PVT1: variants seen among roughly 807,000 people sequenced by gnomAD.
PVT1 encodes the protein CXCR4/PVT1 fusion.
intron 3 of PVT1, among the ~76,000 whole-genome samples, chr8:127,894,796 C>A (rs1586425559): frequency 6.6e-6 from 1 of 152,222 alleles, no homozygotes; most frequent in Non-Finnish European, 1.5e-5. Flanking sequence ...ATTTGCGGTA[C>A]TCTGGCTGTG....
intron 2 of PVT1, among the ~76,000 whole-genome samples, chr8:127,819,257 G>T (rs1033051073): frequency 6.6e-6 from 1 of 152,190 alleles, no homozygotes; most frequent in African/African-American, 2.4e-5. Flanking sequence ...GGATCCAAGT[G>T]TGAGCCCCAT....
intron 4 of PVT1, among the ~76,000 whole-genome samples, chr8:128,015,998 A>T (rs142703790): frequency 3.9e-5 from 6 of 152,228 alleles, no homozygotes; most frequent in African/African-American, 1.2e-4. Flanking sequence ...CTTGCCAGGG[A>T]TAAGTTCTAG....
At chr8:128,036,074 C>T (rs773582646) in intron 4 of PVT1, among the ~76,000 whole-genome samples, 6 of 152,198 alleles carry the variant, frequency 3.9e-5, no homozygotes, top group Non-Finnish European at 8.8e-5. Context: ...TAAGTGTTAA[C>T]ACCACTTCCC....
intron 4 of PVT1, among the ~76,000 whole-genome samples, chr8:128,068,704 G>C (rs750065533): frequency 3.9e-5 from 6 of 152,184 alleles, no homozygotes; most frequent in Non-Finnish European, 8.8e-5. Context: ...ATGTTAGCCA[G>C]GATGGTCTTG....
intron 3 of PVT1, among the ~76,000 whole-genome samples, chr8:127,937,578 CACAGAGAG>C (rs1258509273): frequency 2.3e-4 from 28 of 119,280 alleles, no homozygotes; most frequent in Non-Finnish European, 3.7e-4. Flanking sequence ...CACACACACA[CACAGAGAG>C]AGAGAGAGAG....
rs1449594430 is a variant in PVT1 at position 127,817,718 on chromosome 8, C to T, written n.372+21647C>T. The stretch of plus-strand genomic sequence containing the variant: ...GCAACATAGTTGGACCCTGTCTCTA[C>T]AAAAATGAAAAATAAAAAAAAAAAA... On this transcript the variant is annotated intron_variant and non_coding_transcript_variant, in intron 2 of 10. Coordinates refer to ENST00000651587, the Ensembl canonical transcript of PVT1. 2.7e-5 allele frequency among the ~76,000 whole-genome samples: 4 copies of T among 146,342 alleles called. No homozygotes were observed. In the East Asian group the frequency reaches 8.1e-4, roughly 30 times the overall value.
At chr8:127,973,510 C>T (rs1348727171) in intron 3 of PVT1, among the ~76,000 whole-genome samples, 1 of 152,006 alleles carries the variant, frequency 6.6e-6, no homozygotes, top group Non-Finnish European at 1.5e-5. Flanking sequence ...CCTGTGATTC[C>T]AAAGTGCTAC....
At chr8:127,891,779 A>G (rs1447066262) in intron 3 of PVT1, among the ~76,000 whole-genome samples, 3 of 152,202 alleles carry the variant, frequency 2.0e-5, no homozygotes, top group South Asian at 4.1e-4. Flanking sequence ...TGGCGTGGAC[A>G]GTTGATTAAA....
chr8:127,794,537 G>C (rs974564893), upstream of PVT1: 9 of 151,368 alleles, frequency 5.9e-5, no homozygotes, highest in East Asian at 1.9e-4. Context: ...GCGCTCCTCC[G>C]GGCAGAGCGC....
intron 2 of PVT1, among the ~76,000 whole-genome samples, chr8:127,839,338 A>G (rs1240157840): frequency 6.6e-6 from 1 of 151,960 alleles, no homozygotes; most frequent in Non-Finnish European, 1.5e-5. Context: ...ACTTCAGGAG[A>G]GGAGTTTGAG....
intron 2 of PVT1, among the ~76,000 whole-genome samples, chr8:127,809,052 A>AAAAAAAAAAAAAAAAG (rs1554588311): frequency 2.0e-4 from 27 of 135,012 alleles, no homozygotes; most frequent in African/African-American, 4.6e-4. Context: ...AAAAAAAAAA[A>AAAAAAAAAAAAAAAAG]AAAGAAAGAA....
At chr8:127,963,813 G>A (rs1191612175) in intron 3 of PVT1, among the ~76,000 whole-genome samples, 2 of 152,138 alleles carry the variant, frequency 1.3e-5, no homozygotes, top group Non-Finnish European at 2.9e-5. Context: ...ATCCAGCATG[G>A]CCTTTGTCCT....
At chr8:127,958,440 G>A (rs756408484) in intron 3 of PVT1, among the ~76,000 whole-genome samples, 4 of 152,134 alleles carry the variant, frequency 2.6e-5, no homozygotes, top group Admixed American at 6.5e-5. Context: ...GGGTTTCACC[G>A]TGTTGCCCAG....
At chr8:128,079,145 G>C (rs192127001) in intron 5 of PVT1, among the ~76,000 whole-genome samples, 39 of 151,738 alleles carry the variant, frequency 2.6e-4, no homozygotes, top group African/African-American at 7.7e-4. Flanking sequence ...TATCCATGTG[G>C]TTGTTTGTGA....
chr8:127,867,488 C>A lies in PVT1; in HGVS notation n.373-23101C>A, dbSNP rs376614492. On this transcript the variant is annotated intron_variant and non_coding_transcript_variant, in intron 2 of 10. Transcript: ENST00000651587. ...GACACCTGGCTGGAATAACAATGAG[C>A]GATGCTTCTGGAGGATGCTCCGCTG... Among the ~76,000 whole-genome samples the A allele has an allele frequency of 5.3e-5, 8 of 152,324 alleles. No individual in the cohort carries two copies. In the South Asian group the frequency reaches 1.7e-3, roughly 32 times the overall value.
chr8:127,964,103 C>T (rs1563651900), intron 3 of PVT1, among the ~76,000 whole-genome samples: 2 of 152,192 alleles, frequency 1.3e-5, no homozygotes, highest in African/African-American at 2.4e-5. Context: ...CCCCCAGGAG[C>T]GTCCTTCCAG....
At chr8:127,937,856 G>A (rs915950363) in intron 3 of PVT1, among the ~76,000 whole-genome samples, 3 of 152,142 alleles carry the variant, frequency 2.0e-5, no homozygotes, top group Non-Finnish European at 2.9e-5. Flanking sequence ...GTCTCAGAGA[G>A]GGAAGACATT....
chr8:127,808,675 C>T lies in PVT1; in HGVS notation n.372+12604C>T, dbSNP rs550511807. Among the ~76,000 whole-genome samples the T allele has an allele frequency of 3.3e-5, 5 of 152,134 alleles. No individual in the cohort carries two copies. In the South Asian group the frequency reaches 8.3e-4, roughly 25 times the overall value. ...CAGCAATCCAAGAGAGAGCTGGACTCGGCTCTAGCAGTGGAGAGGAAGAGA... is the reference window on the plus strand; with the variant it reads ...CAGCAATCCAAGAGAGAGCTGGACTTGGCTCTAGCAGTGGAGAGGAAGAGA... On this transcript the variant is annotated intron_variant and non_coding_transcript_variant, in intron 2 of 10. Coordinates refer to ENST00000651587, the Ensembl canonical transcript of PVT1.
intron 5 of PVT1, among the ~76,000 whole-genome samples, chr8:128,086,605 A>G (rs1363383452): frequency 1.3e-5 from 2 of 152,232 alleles, no homozygotes; most frequent in African/African-American, 2.4e-5. Context: ...CTCACACCAC[A>G]ACAGCTGTCT....
Sources: gnomAD v4.1 joint callset for allele counts (sites outside exome capture counted in the v4.1 genomes callset) on GRCh38, gnomAD v4.1.1 for gene constraint, MANE v1.5 for transcripts, NCBI Gene and HGNC (gene_info 2026-07-23, HGNC 2026-07-21) for gene names.